CTCF: variants seen among roughly 807,000 people sequenced by gnomAD.
CTCF encodes the protein transcriptional repressor CTCF.
Under a neutral mutation model 72.3 loss-of-function variants are expected in CTCF, and 7 were observed. The ratio of observed to expected loss-of-function variants is 0.10; its 90% CI spans 0.06 to 0.18. The LOEUF (loss-of-function observed/expected upper bound fraction) is 0.18, where lower values mean the gene tolerates loss of function less well. Ranked by LOEUF, CTCF falls within the 10% of genes least tolerant of loss-of-function variation. The probability of loss-of-function intolerance (pLI) is 1.00; values close to 1 mark genes in which losing one functional copy is unlikely to be tolerated. For missense variants in CTCF, 516 were observed against 949.1 expected (o/e 0.54, Z 6.00); for synonymous variants, 374 against 315.8 (o/e 1.18, Z -1.95).
intron 5 of CTCF, 84 bp downstream of exon 5, chr16:67,616,962 G>T: frequency 1.5e-6 from 2 of 1,377,468 alleles, no homozygotes; most frequent in South Asian, 1.2e-5. Context: ...TACCCAAACG[G>T]ACTTAAGATG....
rs1054603258 is a variant in CTCF at position 67,638,873 on chromosome 16, G to A, written c.*1001G>A. The A allele has an allele frequency of 1.9e-5, 4 of 207,600 alleles. No individual in the cohort carries two copies. Among genetic ancestry groups the A allele is most frequent in the Non-Finnish European group, 3.0e-5 (3 of 101,616 alleles). 12.9% of individuals were successfully genotyped at this position (207,600 alleles called of 1,614,324 possible). ...TCTTCAAAAAATAAAATAATGTGAA[G>A]CAAAACCAACTAAAAAGTGATTCTT... On this transcript the variant is annotated 3_prime_UTR_variant, in exon 12 of 12. Coordinates refer to ENST00000264010, the MANE Select transcript of CTCF (RefSeq NM_006565.4).
chr16:67,604,733 T>TG (rs2051947349), intron 2 of CTCF, among the ~76,000 whole-genome samples: 1 of 142,422 alleles, frequency 7.0e-6, no homozygotes, highest in Admixed American at 6.7e-5. Context: ...CACCAGGGTT[T>TG]TTTTTTTTTT....
chr16:67,620,178 A>C (rs1160041832), intron 5 of CTCF, among the ~76,000 whole-genome samples: 1 of 152,136 alleles, frequency 6.6e-6, no homozygotes, highest in Non-Finnish European at 1.5e-5. Context: ...TGTGCCTACC[A>C]CCCAGCTTAA....
intron 10 of CTCF, among the ~76,000 whole-genome samples, chr16:67,630,008 C>G (rs1392273486): frequency 6.6e-6 from 1 of 151,726 alleles, no homozygotes; most frequent in Non-Finnish European, 1.5e-5. Flanking sequence ...GATCTCCTCA[C>G]CTCATGATCC....
Position 67,637,818 on chromosome 16 carries a change from T to A in CTCF, c.2130T>A (p.Asp710Glu), listed in dbSNP as rs1365186127. The A allele has an allele frequency of 6.2e-7, 1 of 1,612,684 alleles. No homozygotes were observed. Among genetic ancestry groups the A allele is most frequent in the Non-Finnish European group, 8.5e-7 (1 of 1,180,046 alleles). ...AGGAGGCCCAGCCAGCTGCCACAGA[T>A]GCCCCCAACGGAGACCTCACGCCCG... is the stretch of plus-strand genomic sequence containing the variant. Reference protein sequence around the residue: ...EEEEAQPAATDAPNGDLTPEM... With the variant: ...EEEEAQPAATEAPNGDLTPEM... The change falls in exon 12 of 12, where the codon GAT (aspartate) becomes GAA (glutamate). Residue 710 changes from aspartate (D) to glutamate (E), a missense_variant. Physicochemically the swap from Asp to Glu is conservative, Grantham distance 45. Coordinates refer to ENST00000264010, the MANE Select transcript of CTCF (RefSeq NM_006565.4).
At chr16:67,564,161 A>G (rs766758989) in intron 1 of CTCF, among the ~76,000 whole-genome samples, 3 of 152,214 alleles carry the variant, frequency 2.0e-5, no homozygotes, top group Admixed American at 6.5e-5. Flanking sequence ...CAAGGCATAT[A>G]TTTAAATTTA....
At chr16:67,615,379 G>A (rs2052119247) in intron 4 of CTCF, 1 of 152,442 alleles carries the variant, frequency 6.6e-6, no homozygotes, top group African/African-American at 2.4e-5. Flanking sequence ...ACTTTGTGAG[G>A]CCGAGGCCGG....
At chr16:67,563,112 G>A (rs1323503903) in intron 1 of CTCF, among the ~76,000 whole-genome samples, 1 of 151,896 alleles carries the variant, frequency 6.6e-6, no homozygotes, top group East Asian at 1.9e-4. Context: ...CGCCCCTCCC[G>A]CGGCGGGTGG....
rs115874460 is a variant in CTCF at position 67,596,815 on chromosome 16, G to T, written c.-9-14009G>T. On this transcript the variant is annotated intron_variant, in intron 2 of 11. Transcript: ENST00000264010. ...GTTGGCCAGACTGGTCTCAACTCCTGACCTCAGGGAATCCACCCACCTTGG... is the reference window on the plus strand; with the variant it reads ...GTTGGCCAGACTGGTCTCAACTCCTTACCTCAGGGAATCCACCCACCTTGG... 8.2e-3 allele frequency among the ~76,000 whole-genome samples: 1,241 copies of T among 152,030 alleles called. 21 individuals carry two copies. The highest frequency in any genetic ancestry group is 0.028 in the African/African-American group (1,178 of 41,468).
Position 67,610,861 on chromosome 16 carries a change from T to C in CTCF, c.29T>C (p.Val10Ala), listed in dbSNP as rs1434204599. MEGDAVEAIVEESETFIKGK... is the reference protein window; with the variant it reads MEGDAVEAIAEESETFIKGK... ...GAAGGTGATGCAGTCGAAGCCATTG[T>C]GGAGGAGTCCGAAACTTTTATTAAA... Residue 10 changes from valine to alanine, a missense_variant, in exon 3 of 12, where the codon GTG becomes GCG. Physicochemically the swap from Val to Ala is moderately conservative, Grantham distance 64. Coordinates refer to ENST00000264010, the MANE Select transcript of CTCF (RefSeq NM_006565.4). The C allele has an allele frequency of 1.3e-6, 2 of 1,500,500 alleles. No homozygotes were observed. The highest frequency in any genetic ancestry group is 1.8e-6 in the Non-Finnish European group (2 of 1,124,264). 92.9% of individuals were successfully genotyped at this position (1,500,500 alleles called of 1,614,324 possible).
chr16:67,563,537 T>C (rs2051306652), intron 1 of CTCF: 1 of 151,856 alleles, frequency 6.6e-6, no homozygotes, highest in African/African-American at 2.4e-5. Flanking sequence ...GCCCCCAAAC[T>C]CGCGCCCGGG....
At chr16:67,626,755 G>A (rs756435501) in intron 8 of CTCF, 40 bp downstream of exon 8, 6 of 1,363,860 alleles carry the variant, frequency 4.4e-6, no homozygotes, top group Non-Finnish European at 4.8e-6. Flanking sequence ...CTTTCTCGGT[G>A]TCTGGTGTTA....
intron 2 of CTCF, among the ~76,000 whole-genome samples, chr16:67,581,484 G>T (rs996554184): frequency 1.3e-5 from 2 of 151,954 alleles, no homozygotes; most frequent in East Asian, 3.9e-4. Context: ...CACTAGGCCT[G>T]GCTTATTTTA....
At chr16:67,564,443 C>G (rs183254416) in intron 1 of CTCF, among the ~76,000 whole-genome samples, 12 of 152,342 alleles carry the variant, frequency 7.9e-5, no homozygotes, top group African/African-American at 2.4e-4. Context: ...TCACTGCAGT[C>G]CTCTTCGTAG....
chr16:67,588,887 C>T (rs903817692), intron 2 of CTCF, among the ~76,000 whole-genome samples: 2 of 151,958 alleles, frequency 1.3e-5, no homozygotes, highest in African/African-American at 2.4e-5. Context: ...GACAGGGTTT[C>T]GCTATGTTGG....
intron 2 of CTCF, among the ~76,000 whole-genome samples, chr16:67,586,838 G>C (rs1457441973): frequency 6.6e-6 from 1 of 151,998 alleles, no homozygotes; most frequent in Non-Finnish European, 1.5e-5. Context: ...TTCTGGTCCA[G>C]GCTGGAGTGC....
At chr16:67,624,583 GGTTTTT>G (rs543484324) in intron 7 of CTCF, among the ~76,000 whole-genome samples, 7 of 151,802 alleles carry the variant, frequency 4.6e-5, no homozygotes, top group South Asian at 2.1e-4. Flanking sequence ...TTAACTCCAA[GGTTTTT>G]GTTTTTGTTT....
intron 2 of CTCF, among the ~76,000 whole-genome samples, chr16:67,584,303 C>A (rs896524032): frequency 6.9e-6 from 1 of 145,732 alleles, no homozygotes; most frequent in Non-Finnish European, 1.5e-5. Context: ...GCCTGGATGA[C>A]GAACGGAACT....
chr16:67,629,745 C>CTTT lies in CTCF; in HGVS notation c.1837+212_1837+213insTTT, dbSNP rs1567616725. ...TTCGTGGCATTCCGCTCATTAATGC[C>CTTT]CTTTTTTTTTTTTTTTTTTTTTTTT... On this transcript the variant is annotated intron_variant, in intron 10 of 11. Transcript: ENST00000264010. 1.2e-3 allele frequency among the ~76,000 whole-genome samples: 99 copies of CTTT among 85,062 alleles called. 5 individuals are homozygous for CTTT. The highest frequency in any genetic ancestry group is 1.7e-3 in the Non-Finnish European group (75 of 43,558). 55.8% of individuals were successfully genotyped at this position (85,062 alleles called of 152,430 possible).
Sources: allele counts gnomAD v4.1 joint callset (sites outside exome capture counted in the v4.1 genomes callset), GRCh38; gene constraint gnomAD v4.1.1; transcripts MANE v1.5; gene names NCBI Gene and HGNC (gene_info 2026-07-23, HGNC 2026-07-21).